ENOX1: variants seen among roughly 807,000 people sequenced by gnomAD.
The protein encoded by ENOX1 is ecto-NOX disulfide-thiol exchanger 1.
A neutral mutation model predicts 82.5 loss-of-function variants in ENOX1; 42 were observed. That is an observed-to-expected ratio of 0.51 (90% confidence interval 0.40 to 0.66). The LOEUF (loss-of-function observed/expected upper bound fraction) is 0.66. ENOX1 is among the 30% of genes least tolerant of loss of function. ENOX1 has a pLI of 0.00. For missense variants in ENOX1, 608 were observed against 811.6 expected (o/e 0.75, Z 3.05); for synonymous variants, 271 against 282.2 (o/e 0.96, Z 0.40).
intron 12 of ENOX1, among the ~76,000 whole-genome samples, chr13:43,276,874 T>C (rs892730199): frequency 6.6e-6 from 1 of 152,220 alleles, no homozygotes. Flanking sequence ...TCTTGTTACA[T>C]GGGCTTGTAA....
At chr13:43,416,131 G>A (rs545393094) in intron 3 of ENOX1, among the ~76,000 whole-genome samples, 1 of 138,606 alleles carries the variant, frequency 7.2e-6, no homozygotes, top group Non-Finnish European at 1.5e-5. Flanking sequence ...CAGACGGGGT[G>A]GCCAGGCAGA....
At chr13:43,713,589 G>C (rs1353719069) in intron 1 of ENOX1, among the ~76,000 whole-genome samples, 1 of 152,192 alleles carries the variant, frequency 6.6e-6, no homozygotes, top group African/African-American at 2.4e-5. Flanking sequence ...CACAATTTCA[G>C]AGTCTGTTAT....
intron 2 of ENOX1, among the ~76,000 whole-genome samples, chr13:43,502,229 C>T (rs186636816): frequency 2.6e-4 from 39 of 151,636 alleles, no homozygotes; most frequent in African/African-American, 9.4e-4. Context: ...AATAAGTAAT[C>T]AAAAACCACC....
intron 2 of ENOX1, among the ~76,000 whole-genome samples, chr13:43,490,007 C>T (rs1468721555): frequency 3.3e-5 from 5 of 152,068 alleles, no homozygotes; most frequent in African/African-American, 7.2e-5. Flanking sequence ...GGCATGACGT[C>T]GGCTCACCAC....
In ENOX1 at chr13:43,343,733, G is replaced by T. The variant is rs181430803; in HGVS notation, c.1036+805C>A. ...CACTACCACATAGGGCCCTGCACCT[G>T]GTATGGAATGGAGCATGGCATTGTT... On this transcript the variant is annotated intron_variant, in intron 9 of 16. Transcript: ENST00000690772. Among the ~76,000 whole-genome samples, 10 of 152,188 alleles carry T rather than the reference G, an allele frequency of 6.6e-5. No homozygotes were observed. In the East Asian group the frequency reaches 1.9e-3, roughly 29 times the overall value.
chr13:43,470,682 C>T lies in ENOX1; in HGVS notation c.-75+13327G>A, dbSNP rs2058031022. Among the ~76,000 whole-genome samples, 4 of 151,566 alleles carry T rather than the reference C, an allele frequency of 2.6e-5. No individual in the cohort carries two copies. In the South Asian group the frequency reaches 6.3e-4, roughly 24 times the overall value. Reference sequence around the variant, plus strand: ...CTTCTATACTTCAATAAGAAAAACACAAATAATCCAATTTAAAAATGGGAA... The same window carrying T: ...CTTCTATACTTCAATAAGAAAAACATAAATAATCCAATTTAAAAATGGGAA... On this transcript the variant is annotated intron_variant, in intron 3 of 16. Coordinates refer to ENST00000690772, the MANE Select transcript of ENOX1 (RefSeq NM_001347969.2).
At chr13:43,545,412 T>G (rs1336913253) in intron 2 of ENOX1, 1 of 152,248 alleles carries the variant, frequency 6.6e-6, no homozygotes, top group Non-Finnish European at 1.5e-5. Context: ...ATCATCTTTT[T>G]GTAAAGATTC....
intron 2 of ENOX1, among the ~76,000 whole-genome samples, chr13:43,571,211 G>A (rs182509760): frequency 6.6e-6 from 1 of 152,274 alleles, no homozygotes; most frequent in East Asian, 1.9e-4. Flanking sequence ...AGTTTACATA[G>A]AAGGGAGTTG....
intron 14 of ENOX1, among the ~76,000 whole-genome samples, chr13:43,252,077 T>C (rs987338514): frequency 5.9e-5 from 9 of 152,208 alleles, no homozygotes; most frequent in African/African-American, 1.7e-4. Flanking sequence ...TGGAAAGAAA[T>C]TGCCTTTGCA....
At chr13:43,558,370 CA>C (rs2079531983) in intron 2 of ENOX1, among the ~76,000 whole-genome samples, 1 of 152,172 alleles carries the variant, frequency 6.6e-6, no homozygotes, top group African/African-American at 2.4e-5. Context: ...TGTCCTTATT[CA>C]AGCAGCAGTT....
At chr13:43,698,033 C>T (rs773817014) in intron 1 of ENOX1, among the ~76,000 whole-genome samples, 10 of 152,052 alleles carry the variant, frequency 6.6e-5, no homozygotes, top group Non-Finnish European at 1.2e-4. Flanking sequence ...AAAGAAGATA[C>T]GGTGGTGGAT....
At chr13:43,709,732 CAG>C (rs1176666635) in intron 1 of ENOX1, among the ~76,000 whole-genome samples, 2 of 152,050 alleles carry the variant, frequency 1.3e-5, no homozygotes, top group African/African-American at 4.8e-5. Context: ...AATTAAAAAA[CAG>C]AAATAACTAC....
chr13:43,502,598 G>A (rs1462381685), intron 2 of ENOX1, among the ~76,000 whole-genome samples: 2 of 151,452 alleles, frequency 1.3e-5, no homozygotes, highest in Non-Finnish European at 3.0e-5. Flanking sequence ...ACAGAATAAA[G>A]GATAAAAATC....
At chr13:43,260,641 C>T (rs149513359) in intron 14 of ENOX1, among the ~76,000 whole-genome samples, 2 of 152,092 alleles carry the variant, frequency 1.3e-5, no homozygotes, top group East Asian at 3.9e-4. Context: ...GGAAGAAGGT[C>T]ATCAAAAAAG....
intron 2 of ENOX1, among the ~76,000 whole-genome samples, chr13:43,637,886 A>G (rs1324822030): frequency 6.6e-6 from 1 of 152,212 alleles, no homozygotes; most frequent in East Asian, 1.9e-4. Flanking sequence ...TTTGAAATCC[A>G]TCATTACAAA....
At chr13:43,404,478 A>G (rs916812597) in intron 5 of ENOX1, among the ~76,000 whole-genome samples, 2 of 152,178 alleles carry the variant, frequency 1.3e-5, no homozygotes, top group African/African-American at 2.4e-5. Context: ...TGCTAACTAG[A>G]TAAGTCTAAT....
chr13:43,235,722 A>G (rs2042511185), intron 15 of ENOX1, among the ~76,000 whole-genome samples: 1 of 142,374 alleles, frequency 7.0e-6, no homozygotes, highest in East Asian at 2.0e-4. Context: ...ACAGAGTGAG[A>G]CCCTGTCTCA....
intron 2 of ENOX1, among the ~76,000 whole-genome samples, chr13:43,630,929 GTGTT>G (rs1455066490): frequency 3.9e-5 from 5 of 129,500 alleles, no homozygotes; most frequent in Admixed American, 2.5e-4. Context: ...ATGTGTGTGT[GTGTT>G]TGTGTGTGTG....
chr13:43,722,889 T>G (rs1008343211), intron 1 of ENOX1, among the ~76,000 whole-genome samples: 67 of 152,342 alleles, frequency 4.4e-4, no homozygotes, highest in African/African-American at 1.6e-3. Context: ...GCATCCTCAA[T>G]TTCACACAAA....
Sources: gnomAD v4.1 joint callset for allele counts (sites outside exome capture counted in the v4.1 genomes callset) on GRCh38, gnomAD v4.1.1 for gene constraint, MANE v1.5 for transcripts, NCBI Gene and HGNC (gene_info 2026-07-23, HGNC 2026-07-21) for gene names.